Variants in IL13RA1 observed in about 807,000 individuals in gnomAD.
IL13RA1 encodes interleukin 13 receptor subunit alpha 1.
A neutral mutation model predicts 33.8 loss-of-function variants in IL13RA1; 14 were observed. The ratio of observed to expected loss-of-function variants is 0.41; its 90% CI spans 0.27 to 0.65. The LOEUF (loss-of-function observed/expected upper bound fraction) is 0.65, where lower values mean the gene tolerates loss of function less well. Ranked by LOEUF, IL13RA1 falls within the 30% of genes least tolerant of loss-of-function variation. The pLI, the probability that IL13RA1 is intolerant of heterozygous loss-of-function variation, is 0.28. For synonymous variants in IL13RA1, 116 were observed against 115.7 expected, an observed-to-expected ratio of 1.00 and a Z score of -0.02; for missense variants, 313 against 327.0, an observed-to-expected ratio of 0.96 and a Z score of 0.33.
rs76687335 is a variant in IL13RA1 at position 118,765,110 on chromosome X, C to T, written c.829-1420C>T. The stretch of plus-strand genomic sequence containing the variant: ...TTATATAGAACGTACTTTTTTTTTT[C>T]GAGACAGAGTCTTGCTCTGTCACCC... On this transcript the variant is annotated intron_variant, in intron 6 of 10. Coordinates refer to ENST00000371666, the MANE Select transcript of IL13RA1 (RefSeq NM_001560.3). Among the ~76,000 whole-genome samples the T allele has an allele frequency of 1.4e-4, 15 of 108,752 alleles. No individual in the cohort carries two copies. In the East Asian group the frequency reaches 2.3e-3, roughly 17 times the overall value. The allele number at this position is 108,752 out of a possible 115,157, so 94.4% of individuals were successfully genotyped here. A position where few individuals can be genotyped will look rare whatever the true frequency, so the allele number is the denominator to read the frequency against.
chrX:118,733,225 T>C lies in IL13RA1; in HGVS notation c.88+5499T>C, dbSNP rs974963582. On this transcript the variant is annotated intron_variant, in intron 1 of 10. Coordinates refer to ENST00000371666, the MANE Select transcript of IL13RA1 (RefSeq NM_001560.3). ...TAATTTTTTTGAGGAACCACCATAC[T>C]GTTGTCCATAGTGAAATTTTAAATT... Among the ~76,000 whole-genome samples, 44 of 112,343 alleles carry C rather than the reference T, an allele frequency of 3.9e-4. 1 individual carries two copies. The highest frequency in any genetic ancestry group is 8.1e-4 in the Non-Finnish European group (43 of 53,260).
At position 118,771,457 on chromosome X, in the gene IL13RA1, T is replaced by G. The variant is rs370343145; in HGVS notation, c.1010-2422T>G. Among the ~76,000 whole-genome samples the G allele has an allele frequency of 6.2e-5, 7 of 112,319 alleles. No individual in the cohort carries two copies. In the East Asian group the frequency reaches 1.4e-3, roughly 23 times the overall value. ...ACACAGTAATGCTGGGGTGAGATGCTTGAAACTGTGTTTTAACAAACTCCT... is the reference window on the plus strand; with the variant it reads ...ACACAGTAATGCTGGGGTGAGATGCGTGAAACTGTGTTTTAACAAACTCCT... On this transcript the variant is annotated intron_variant, in intron 8 of 10. Coordinates refer to ENST00000371666, the MANE Select transcript of IL13RA1 (RefSeq NM_001560.3).
the IL13RA1 span, among the ~76,000 whole-genome samples, chrX:118,800,170 T>C: frequency 2.7e-5 from 3 of 111,232 alleles, no homozygotes; most frequent in African/African-American, 9.8e-5. Context: ...TACCAATAAG[T>C]GCCCTGACAA....
chrX:118,747,367 ACT>A (rs2017418353), intron 3 of IL13RA1, among the ~76,000 whole-genome samples: 1 of 108,987 alleles, frequency 9.2e-6, no homozygotes, highest in South Asian at 4.0e-4. Context: ...GCACACACAC[ACT>A]CACACACACA....
At chrX:118,791,639 AGG>A in intron 10 of IL13RA1, 121 bp from the exon 11 acceptor site, 2 of 321,389 alleles carry the variant, frequency 6.2e-6, no homozygotes. Context: ...AAAAAAAAAC[AGG>A]AAATCATACC....
downstream of IL13RA1, among the ~76,000 whole-genome samples, chrX:118,799,037 G>C (rs866068596): frequency 8.6e-5 from 9 of 104,353 alleles, no homozygotes; most frequent in African/African-American, 2.5e-4. Flanking sequence ...GCTTGGCGGG[G>C]CCCGCACTCG....
chrX:118,769,312 C>G (rs996594822), intron 8 of IL13RA1, among the ~76,000 whole-genome samples: 6 of 112,378 alleles, frequency 5.3e-5, no homozygotes, highest in Non-Finnish European at 9.4e-5. Context: ...AAATGACAGT[C>G]TATATGTTAG....
At position 118,794,082 on chromosome X, in the gene IL13RA1, C is replaced by T. The variant is rs1477100917; in HGVS notation, c.*2228C>T. On this transcript the variant is annotated 3_prime_UTR_variant, in exon 11 of 11. Coordinates refer to ENST00000371666, the MANE Select transcript of IL13RA1 (RefSeq NM_001560.3). ...CCATGAAGAGGATGCTGTGAAATTC[C>T]CAACAAACATTGATGCTGACAGTCA... The T allele has an allele frequency of 8.9e-6, 1 of 112,082 alleles. No individual in the cohort carries two copies. The highest frequency in any genetic ancestry group is 1.9e-5 in the Non-Finnish European group (1 of 53,214). The allele number at this position is 112,082 out of a possible 1,213,427, so 9.2% of individuals were successfully genotyped here.
intron 1 of IL13RA1, among the ~76,000 whole-genome samples, chrX:118,734,547 G>C (rs983628956): frequency 1.2e-4 from 13 of 111,985 alleles, no homozygotes; most frequent in Non-Finnish European, 2.4e-4. Context: ...TTTGTCTAAT[G>C]CTTTTTCTGT....
Position 118,747,103 on chromosome X carries a change from A to T in IL13RA1, c.367+11A>T, listed in dbSNP as rs1287571369. 9.1e-7 allele frequency: 1 copy of T among 1,100,456 alleles called. No individual in the cohort carries two copies. Among genetic ancestry groups the T allele is most frequent in the Non-Finnish European group, 1.3e-6 (1 of 798,060 alleles). The allele number at this position is 1,100,456 out of a possible 1,213,427, so 90.7% of individuals were successfully genotyped here. A position where few individuals can be genotyped will look rare whatever the true frequency, so the allele number is the denominator to read the frequency against. ...TCTCACCCCCAGAAGGTAACAACTG[A>T]AAGCGCTATCTCTTGGTGTTTAGAG... On this transcript the variant is annotated intron_variant, in intron 3 of 10. Coordinates refer to ENST00000371666, the MANE Select transcript of IL13RA1 (RefSeq NM_001560.3).
chrX:118,784,121 A>G (rs1403010068), intron 10 of IL13RA1, among the ~76,000 whole-genome samples: 19 of 23,537 alleles, frequency 8.1e-4, no homozygotes, highest in African/African-American at 1.2e-3. Context: ...GTATATATGT[A>G]TATATATGTA....
At chrX:118,749,871 A>T in intron 4 of IL13RA1, 93 bp downstream of exon 4, 3 of 586,410 alleles carry the variant, frequency 5.1e-6, no homozygotes, top group Admixed American at 3.0e-5. Context: ...GAACTGTTTA[A>T]TTTTTTCTGC....
At chrX:118,773,773 G>A (rs756838530) in intron 8 of IL13RA1, 106 bp from the exon 9 acceptor site, 16 of 513,560 alleles carry the variant, frequency 3.1e-5, no homozygotes, top group South Asian at 5.5e-5. Context: ...GGTTGGGGGA[G>A]GGAGCAGAAA....
Position 118,779,862 on chromosome X carries a change from T to G in IL13RA1, c.1191+3351T>G, listed in dbSNP as rs931305392. Among the ~76,000 whole-genome samples the G allele has an allele frequency of 4.5e-5, 5 of 111,690 alleles. No homozygotes were observed. The Admixed American group carries it at 4.8e-4, about 11-fold the overall frequency. On this transcript the variant is annotated intron_variant, in intron 10 of 10. Transcript: ENST00000371666. ...ATTTCAAGTTTTCAAGTCTGAGTAATAGAGTGAATGATGGTAACATTGACA... is the reference window on the plus strand; with the variant it reads ...ATTTCAAGTTTTCAAGTCTGAGTAAGAGAGTGAATGATGGTAACATTGACA...
chrX:118,765,143 A>G (rs1336529086), intron 6 of IL13RA1, among the ~76,000 whole-genome samples: 1 of 110,314 alleles, frequency 9.1e-6, no homozygotes, highest in Non-Finnish European at 1.9e-5. Context: ...CCCAGGCTGG[A>G]GTGCAGTGCA....
intron 8 of IL13RA1, among the ~76,000 whole-genome samples, chrX:118,773,566 A>G (rs773473198): frequency 8.0e-5 from 9 of 112,337 alleles, no homozygotes; most frequent in South Asian, 7.4e-4. Flanking sequence ...TAAATTAATG[A>G]ATATGGTTCC....
At chrX:118,789,009 A>G (rs987224811) in intron 10 of IL13RA1, among the ~76,000 whole-genome samples, 4 of 112,302 alleles carry the variant, frequency 3.6e-5, no homozygotes, top group African/African-American at 1.3e-4. Context: ...TGGTAAGTAT[A>G]TAGTGCAAAT....
chrX:118,767,022 A>G (rs751156160), intron 8 of IL13RA1, 46 bp downstream of exon 8: 4 of 746,851 alleles, frequency 5.4e-6, no homozygotes, highest in Non-Finnish European at 7.9e-6. Context: ...CTGATGTATA[A>G]AAACTAAGCT....
At chrX:118,789,099 G>A (rs1352834454) in intron 10 of IL13RA1, among the ~76,000 whole-genome samples, 1 of 112,436 alleles carries the variant, frequency 8.9e-6, no homozygotes, top group African/African-American at 3.2e-5. Flanking sequence ...TTGTCATCCA[G>A]AAAGGTTGTA....
Sources: gnomAD v4.1 joint callset for allele counts (sites outside exome capture counted in the v4.1 genomes callset) on GRCh38, gnomAD v4.1.1 for gene constraint, MANE v1.5 for transcripts, NCBI Gene and HGNC (gene_info 2026-07-23, HGNC 2026-07-21) for gene names.